EBF3: variants seen among roughly 807,000 people sequenced by gnomAD.
EBF3 encodes EBF transcription factor 3, also known as transcription factor COE3.
A neutral mutation model predicts 77.1 loss-of-function variants in EBF3; 18 were observed. That is an observed-to-expected ratio of 0.23 (90% confidence interval 0.16 to 0.35). EBF3 has a LOEUF of 0.35. Ranked by LOEUF, EBF3 falls within the 10% of genes least tolerant of loss-of-function variation. EBF3 has a pLI of 1.00. For missense variants in EBF3, 558 were observed against 860.0 expected (o/e 0.65, Z 4.39); for synonymous variants, 350 against 343.5 (o/e 1.02, Z -0.21).
rs961902857 is a variant in EBF3 at position 129,861,578 on chromosome 10, C to G, written c.1039+5563G>C. ...TTCACTGGGGATCATGGGGGGGACA[C>G]AGACATCCTTGGACACCATTGACTG... On this transcript the variant is annotated intron_variant, in intron 10 of 16. Transcript: ENST00000440978. This position sits in a 1 kb window ranked among gnomAD's most constrained non-coding sequence, Gnocchi z 4.3. 6.6e-6 allele frequency among the ~76,000 whole-genome samples: 1 copy of G among 151,962 alleles called. No individual in the cohort carries two copies. Among genetic ancestry groups the G allele is most frequent in the Non-Finnish European group, 1.5e-5 (1 of 67,996 alleles).
Position 129,943,387 on chromosome 10 carries a change from G to T in EBF3, c.554+13871C>A, listed in dbSNP as rs538042399. Among the ~76,000 whole-genome samples, 1 of 152,230 alleles carries T rather than the reference G, an allele frequency of 6.6e-6. No homozygotes were observed. The highest frequency in any genetic ancestry group is 2.4e-5 in the African/African-American group (1 of 41,468). ...TAGTTATTGTCTTAAGCACAAGAAG[G>T]TTGTCTTATAGGCTTGGCTGGATAA... On this transcript the variant is annotated intron_variant, in intron 6 of 16. Transcript: ENST00000440978. The surrounding 1 kb of genome is among the most constrained non-coding windows in gnomAD (Gnocchi z 8.8).
intron 6 of EBF3, among the ~76,000 whole-genome samples, chr10:129,936,288 C>A (rs993505752): frequency 6.6e-6 from 1 of 152,158 alleles, no homozygotes; most frequent in African/African-American, 2.4e-5. Flanking sequence ...CAGGACATAA[C>A]CCCTGCCCAG....
intron 6 of EBF3, among the ~76,000 whole-genome samples, chr10:129,910,844 G>A (rs916682075): frequency 6.6e-6 from 1 of 152,176 alleles, no homozygotes; most frequent in Non-Finnish European, 1.5e-5. Flanking sequence ...GCCTCTGCAT[G>A]GTCACGTGGT....
intron 6 of EBF3, among the ~76,000 whole-genome samples, chr10:129,881,764 G>A (rs1252530987): frequency 1.3e-5 from 2 of 152,192 alleles, no homozygotes; most frequent in African/African-American, 2.4e-5. Context: ...CTGTGCCGGG[G>A]AGGACAGGGG....
intron 6 of EBF3, among the ~76,000 whole-genome samples, chr10:129,923,210 C>T (rs1856433701): frequency 6.6e-6 from 1 of 152,194 alleles, no homozygotes; most frequent in Non-Finnish European, 1.5e-5. Context: ...TCATGAAGCA[C>T]TCGGTGACAG....
chr10:129,840,815 G>A (rs774593408), intron 14 of EBF3, 29 bp downstream of exon 14: 1 of 1,601,546 alleles, frequency 6.2e-7, no homozygotes, highest in Admixed American at 1.7e-5. Flanking sequence ...GAATCTGCGT[G>A]ATGACGTGTG....
rs1858738004 is a variant in EBF3, at chr10:129,952,373, T to C, written c.554+4885A>G. Reference sequence around the variant, plus strand: ...TCCAAATGCTACTGAATAGAAAACCTTGGATCCCTAAATGATGTGTAATTA... The same window carrying C: ...TCCAAATGCTACTGAATAGAAAACCCTGGATCCCTAAATGATGTGTAATTA... On this transcript the variant is annotated intron_variant, in intron 6 of 16. Transcript: ENST00000440978. This position sits in a 1 kb window ranked among gnomAD's most constrained non-coding sequence, Gnocchi z 4.7. Among the ~76,000 whole-genome samples the C allele has an allele frequency of 6.6e-6, 1 of 152,224 alleles. No homozygotes were observed. The highest frequency in any genetic ancestry group is 2.1e-4 in the South Asian group (1 of 4,832).
At position 129,863,319 on chromosome 10, in the gene EBF3, C is replaced by T. The variant is rs1851768752; in HGVS notation, c.1039+3822G>A. On this transcript the variant is annotated intron_variant, in intron 10 of 16. Transcript: ENST00000440978. The surrounding 1 kb of genome is among the most constrained non-coding windows in gnomAD (Gnocchi z 4.0). ...TAATCAACTGAACCGCCACAGCCTC[C>T]CAAGGTAATTGTGTCTTTATAGGAG... is the stretch of plus-strand genomic sequence containing the variant. 6.6e-6 allele frequency among the ~76,000 whole-genome samples: 1 copy of T among 152,196 alleles called. No homozygotes were observed. Among genetic ancestry groups the T allele is most frequent in the South Asian group, 2.1e-4 (1 of 4,828 alleles).
At chr10:129,883,311 C>G (rs1853338899) in intron 6 of EBF3, among the ~76,000 whole-genome samples, 1 of 152,244 alleles carries the variant, frequency 6.6e-6, no homozygotes, top group African/African-American at 2.4e-5. Flanking sequence ...AAGGAAAGAG[C>G]TCTGGCTCTT....
chr10:129,901,479 G>A (rs1589820841), intron 6 of EBF3, among the ~76,000 whole-genome samples: 1 of 152,094 alleles, frequency 6.6e-6, no homozygotes, highest in Non-Finnish European at 1.5e-5. Context: ...CTCCCTAACT[G>A]CACACACCAC....
Position 129,947,081 on chromosome 10 carries a change from T to C in EBF3, c.554+10177A>G, listed in dbSNP as rs764498155. On this transcript the variant is annotated intron_variant, in intron 6 of 16. Transcript: ENST00000440978. The surrounding 1 kb of genome is among the most constrained non-coding windows in gnomAD (Gnocchi z 4.5). Reference sequence around the variant, plus strand: ...ACGTCCAATCCAATCCCCCACTTGTTTCCTGACCCAATCTTCCTCGTGTCA... The same window carrying C: ...ACGTCCAATCCAATCCCCCACTTGTCTCCTGACCCAATCTTCCTCGTGTCA... Among the ~76,000 whole-genome samples, 1 of 152,172 alleles carries C rather than the reference T, an allele frequency of 6.6e-6. No individual in the cohort carries two copies. The highest frequency in any genetic ancestry group is 1.5e-5 in the Non-Finnish European group (1 of 68,028).
intron 3 of EBF3, 130 bp downstream of exon 3, chr10:129,962,812 C>T (rs1859628750): frequency 9.2e-7 from 1 of 1,085,626 alleles, no homozygotes; most frequent in African/African-American, 1.6e-5. Flanking sequence ...TTTTGTTTTC[C>T]TTCTATGCCA....
intron 6 of EBF3, among the ~76,000 whole-genome samples, chr10:129,878,820 T>G: frequency 3.2e-4 from 2 of 6,238 alleles, no homozygotes; most frequent in South Asian, 2.1e-3. Flanking sequence ...TGAAAATCGG[T>G]CTCAAAAAAA....
At chr10:129,962,538 C>G (rs1859607182) in intron 3 of EBF3, among the ~76,000 whole-genome samples, 1 of 151,652 alleles carries the variant, frequency 6.6e-6, no homozygotes, top group Non-Finnish European at 1.5e-5. Flanking sequence ...AAAGAAAAAG[C>G]ACCAAATGGA....
rs1859673706 is a variant in EBF3 at position 129,963,292 on chromosome 10, G to A, written c.291+75C>T. On this transcript the variant is annotated intron_variant, in intron 2 of 16. Transcript: ENST00000440978. This position sits in a 1 kb window ranked among gnomAD's most constrained non-coding sequence, Gnocchi z 7.1. ...GAGCCCGCCGCCTAGGGGGGCACTC[G>A]AACCCCCGCGCACCGGCACCGCCTG... is the stretch of plus-strand genomic sequence containing the variant. 5 of 1,537,616 alleles carry A rather than the reference G, an allele frequency of 3.3e-6. No individual in the cohort carries two copies. Among genetic ancestry groups the A allele is most frequent in the Non-Finnish European group, 3.5e-6 (4 of 1,144,660 alleles).
chr10:129,927,961 G>C (rs928134133), intron 6 of EBF3, among the ~76,000 whole-genome samples: 2 of 152,186 alleles, frequency 1.3e-5, no homozygotes, highest in Non-Finnish European at 2.9e-5. Flanking sequence ...GAGAGCTTGA[G>C]ATTCCCAGCC....
chr10:129,939,621 C>T (rs4750780), intron 6 of EBF3, among the ~76,000 whole-genome samples: 67,149 of 152,122 alleles, frequency 0.44, 15,134 homozygotes, highest in East Asian at 0.73. Flanking sequence ...ACGTCTGCGT[C>T]TCCTCCTAAT....
chr10:129,954,496 G>A (rs549269439), intron 6 of EBF3, among the ~76,000 whole-genome samples: 1 of 144,900 alleles, frequency 6.9e-6, no homozygotes, highest in Non-Finnish European at 1.5e-5. Context: ...GAACTAAATT[G>A]TGTAATTAAT....
chr10:129,939,492 T>C (rs11593770), intron 6 of EBF3, among the ~76,000 whole-genome samples: 3,149 of 152,342 alleles, frequency 0.021, 53 homozygotes, highest in Non-Finnish European at 0.033. Flanking sequence ...CAGATCTCAT[T>C]TAAAGACTTG....
Sources: allele counts gnomAD v4.1 joint callset (sites outside exome capture counted in the v4.1 genomes callset), GRCh38; gene constraint gnomAD v4.1.1; non-coding constraint Gnocchi (gnomAD v3.1); transcripts MANE v1.5; gene names NCBI Gene and HGNC (gene_info 2026-07-23, HGNC 2026-07-21).